The following ADAMTS2 variants were observed in gnomAD, a reference collection of about 807,000 sequenced individuals.
ADAMTS2 encodes the protein ADAM metallopeptidase with thrombospondin type 1 motif 2.
Under a neutral mutation model 123.0 loss-of-function variants are expected in ADAMTS2, and 50 were observed. The observed-to-expected ratio is 0.41, with a 90% CI of 0.32 to 0.51. ADAMTS2 has a LOEUF of 0.51. Ranked by LOEUF, ADAMTS2 falls within the 20% of genes least tolerant of loss-of-function variation. ADAMTS2 has a pLI of 0.35. For missense variants in ADAMTS2, 1,494 were observed against 1,705.2 expected (o/e 0.88, Z 2.18); for synonymous variants, 678 against 695.4 (o/e 0.98, Z 0.39).
Position 179,207,580 on chromosome 5 carries a change from T to C in ADAMTS2, c.824A>G (p.Asp275Gly). 2.5e-6 allele frequency: 4 copies of C among 1,591,948 alleles called. No individual in the cohort carries two copies. Among genetic ancestry groups the C allele is most frequent in the African/African-American group, 1.4e-5 (1 of 73,930 alleles). Residue 275 changes from aspartate to glycine, a missense_variant, in exon 4 of 22, where the codon GAT becomes GGT. Physicochemically the swap from Asp to Gly is moderately conservative, Grantham distance 94. Coordinates refer to ENST00000251582, the MANE Select transcript of ADAMTS2 (RefSeq NM_014244.5). ...DYNIEVLLGV[D>G]DSVVQFHGKE... ...CCCGTGGAACTGCACCACAGAGTCA[T>C]CCACGCCCAGCAGGACCTCGATGTT...
At chr5:179,344,897 G>A (rs1383423232) in intron 1 of ADAMTS2, among the ~76,000 whole-genome samples, 1 of 152,138 alleles carries the variant, frequency 6.6e-6, no homozygotes, top group East Asian at 1.9e-4. Flanking sequence ...GACCCGCTGG[G>A]GCTGACTCTG....
intron 10 of ADAMTS2, among the ~76,000 whole-genome samples, chr5:179,145,361 T>G (rs374209876): frequency 6.6e-6 from 1 of 152,190 alleles, no homozygotes; most frequent in South Asian, 2.1e-4. Flanking sequence ...ATCCAATGAT[T>G]CCATTTCTAG....
chr5:179,153,616 C>A lies in ADAMTS2; in HGVS notation c.1390G>T (p.Asp464Tyr), dbSNP rs199514955. 3 of 1,603,546 alleles carry A rather than the reference C, an allele frequency of 1.9e-6. No individual in the cohort carries two copies. In the East Asian group the frequency reaches 6.7e-5, roughly 36 times the overall value. ...QELSRYLHSYDCLLDDPFAHD... is the reference protein window; with the variant it reads ...QELSRYLHSYYCLLDDPFAHD... The stretch of plus-strand genomic sequence containing the variant: ...GCGAAGGGGTCATCCAGCAGGCAGT[C>A]ATAGGAGCTGTGGGGGACACACGGT... Residue 464 changes from aspartate (D) to tyrosine (Y), a missense_variant, in exon 9 of 22, where the codon GAC becomes TAC. By Grantham distance (160) the Asp-to-Tyr change is radical. Coordinates refer to ENST00000251582, the MANE Select transcript of ADAMTS2 (RefSeq NM_014244.5).
intron 2 of ADAMTS2, among the ~76,000 whole-genome samples, chr5:179,324,464 C>G (rs961296647): frequency 6.7e-6 from 1 of 149,646 alleles, no homozygotes; most frequent in African/African-American, 2.5e-5. Context: ...GATCTCAGCT[C>G]ACTGCAACCT....
In ADAMTS2 at chr5:179,276,011, G is replaced by A. The variant is rs577010458; in HGVS notation, c.535-2947C>T. Among the ~76,000 whole-genome samples the A allele has an allele frequency of 5.1e-4, 78 of 152,336 alleles. 1 individual carries two copies. Among genetic ancestry groups the A allele is most frequent in the African/African-American group, 5.1e-4 (21 of 41,582 alleles). On this transcript the variant is annotated intron_variant, in intron 2 of 21. Transcript: ENST00000251582. The stretch of plus-strand genomic sequence containing the variant: ...TAACCAGAGTTACCAGGGCAAGACC[G>A]AGGTCGGAGAAGGAGGTCAGCAGGG...
At chr5:179,235,681 G>C (rs543679261) in intron 3 of ADAMTS2, among the ~76,000 whole-genome samples, 5 of 152,242 alleles carry the variant, frequency 3.3e-5, no homozygotes, top group Non-Finnish European at 5.9e-5. Flanking sequence ...AGAGGAAGGA[G>C]AGGGGAAGCG....
intron 10 of ADAMTS2, among the ~76,000 whole-genome samples, chr5:179,143,684 G>C (rs186297063): frequency 6.6e-6 from 1 of 152,036 alleles, no homozygotes; most frequent in East Asian, 1.9e-4. Flanking sequence ...TTGCCCTTTC[G>C]TCCCTGCTGA....
chr5:179,143,429 G>GAAA lies in ADAMTS2; in HGVS notation c.1630-3397_1630-3395dup, dbSNP rs546474818. Among the ~76,000 whole-genome samples the GAAA allele has an allele frequency of 5.2e-5, 4 of 77,194 alleles. No individual in the cohort carries two copies. In the East Asian group the frequency reaches 1.2e-3, roughly 24 times the overall value. The allele number at this position is 77,194 out of a possible 152,430, so 50.6% of individuals were successfully genotyped here. A position where few individuals can be genotyped will look rare whatever the true frequency, so the allele number is the denominator to read the frequency against. On this transcript the variant is annotated intron_variant, in intron 10 of 21. Coordinates refer to ENST00000251582, the MANE Select transcript of ADAMTS2 (RefSeq NM_014244.5). ...GGCTGGGTAACAGAGACTCTGTCTCGAAAAAAAAAAAAAAAAAAGAAGAAC... is the reference window on the plus strand; with the variant it reads ...GGCTGGGTAACAGAGACTCTGTCTCGAAAAAAAAAAAAAAAAAAAAAGAAGAAC...
chr5:179,135,471 T>C (rs1296831042), intron 13 of ADAMTS2, among the ~76,000 whole-genome samples: 3 of 152,126 alleles, frequency 2.0e-5, no homozygotes. Context: ...GGAGGGCATT[T>C]CTACAAAGCA....
At chr5:179,177,604 G>T (rs1391816189) in intron 5 of ADAMTS2, among the ~76,000 whole-genome samples, 2 of 152,132 alleles carry the variant, frequency 1.3e-5, no homozygotes, top group Non-Finnish European at 1.5e-5. Context: ...AGTCAGCTTT[G>T]AAATATTCAC....
intron 4 of ADAMTS2, among the ~76,000 whole-genome samples, chr5:179,187,272 C>T (rs1764194135): frequency 6.6e-6 from 1 of 152,224 alleles, no homozygotes; most frequent in Admixed American, 6.5e-5. Context: ...CATGAGACCG[C>T]AGTTCCTGGC....
At chr5:179,124,143 C>A (rs866481347) in intron 19 of ADAMTS2, among the ~76,000 whole-genome samples, 54 of 152,278 alleles carry the variant, frequency 3.5e-4, no homozygotes, top group Admixed American at 9.8e-4. Context: ...ACCGTAAGCC[C>A]CTGCAACTGC....
At chr5:179,322,329 AGT>A (rs1440903320) in intron 2 of ADAMTS2, among the ~76,000 whole-genome samples, 2 of 152,214 alleles carry the variant, frequency 1.3e-5, no homozygotes, top group Non-Finnish European at 2.9e-5. Flanking sequence ...TCTTTGAATC[AGT>A]CCTCACGGGG....
At chr5:179,126,928 C>A (rs1268268177) in intron 17 of ADAMTS2, among the ~76,000 whole-genome samples, 1 of 152,164 alleles carries the variant, frequency 6.6e-6, no homozygotes, top group Non-Finnish European at 1.5e-5. Flanking sequence ...GCCCTTAAGG[C>A]CGGCGTGGCC....
At chr5:179,194,475 G>A (rs1336017105) in intron 4 of ADAMTS2, among the ~76,000 whole-genome samples, 1 of 152,232 alleles carries the variant, frequency 6.6e-6, no homozygotes, top group South Asian at 2.1e-4. Context: ...AGAAGCCAAG[G>A]CAAAGCAAGA....
intron 17 of ADAMTS2, 116 bp downstream of exon 17, chr5:179,127,843 G>A (rs928265597): frequency 4.8e-5 from 67 of 1,402,584 alleles, no homozygotes; most frequent in Non-Finnish European, 6.4e-5. Context: ...CCCAGGCAAA[G>A]GTCCCTGCTG....
chr5:179,295,575 C>T (rs1047803723), intron 2 of ADAMTS2, among the ~76,000 whole-genome samples: 3 of 152,162 alleles, frequency 2.0e-5, no homozygotes, highest in Non-Finnish European at 4.4e-5. Flanking sequence ...GGTGCTGGTC[C>T]CATCTCTAGG....
At chr5:179,336,925 AG>A (rs1757629000) in intron 2 of ADAMTS2, among the ~76,000 whole-genome samples, 1 of 152,204 alleles carries the variant, frequency 6.6e-6, no homozygotes, top group East Asian at 1.9e-4. Context: ...TGGCTTCAGC[AG>A]CACCCAGGCC....
chr5:179,118,672 A>C lies in ADAMTS2; in HGVS notation c.3178+2989T>G, dbSNP rs1466470283. Among the ~76,000 whole-genome samples, 1 of 152,246 alleles carries C rather than the reference A, an allele frequency of 6.6e-6. No individual in the cohort carries two copies. The highest frequency in any genetic ancestry group is 1.5e-5 in the Non-Finnish European group (1 of 68,044). On this transcript the variant is annotated intron_variant, in intron 21 of 21. Transcript: ENST00000251582. This position sits in a 1 kb window ranked among gnomAD's most constrained non-coding sequence, Gnocchi z 4.5. ...GAACAAAGGTAACCCTAAAATAGGA[A>C]TACAAAAAAAAAGTTTAAAGTCCTT...
Sources: gnomAD v4.1 joint callset for allele counts (sites outside exome capture counted in the v4.1 genomes callset) on GRCh38, gnomAD v4.1.1 for gene constraint, Gnocchi (gnomAD v3.1) non-coding constraint, MANE v1.5 for transcripts, NCBI Gene and HGNC (gene_info 2026-07-23, HGNC 2026-07-21) for gene names.